Variants in POLR3G observed in about 807,000 individuals in gnomAD.
POLR3G encodes the protein DNA-directed RNA polymerase III subunit RPC7.
A neutral mutation model predicts 30.1 loss-of-function variants in POLR3G; 28 were observed. The observed-to-expected ratio is 0.93, with a 90% CI of 0.69 to 1.27. The LOEUF (loss-of-function observed/expected upper bound fraction) is 1.27. Among genes scored for constraint, POLR3G ranks in the 50% most tolerant of loss-of-function variants. The pLI, the probability that POLR3G is intolerant of heterozygous loss-of-function variation, is 0.00. For missense variants in POLR3G, 254 were observed against 264.6 expected (o/e 0.96, Z 0.28); for synonymous variants, 79 against 82.5 (o/e 0.96, Z 0.23).
chr5:90,479,463 A>G (rs1751013161), intron 1 of POLR3G, among the ~76,000 whole-genome samples: 1 of 152,198 alleles, frequency 6.6e-6, no homozygotes, highest in Admixed American at 6.5e-5. Flanking sequence ...ACAGAGCAAG[A>G]GTCCATCTCG....
chr5:90,493,899 G>T (rs1254808784), intron 3 of POLR3G, among the ~76,000 whole-genome samples: 1 of 151,040 alleles, frequency 6.6e-6, no homozygotes, highest in Non-Finnish European at 1.5e-5. Context: ...TAGTATAGAT[G>T]GGGTTTCACC....
chr5:90,493,651 G>A (rs1271625792), intron 3 of POLR3G, among the ~76,000 whole-genome samples: 2 of 134,738 alleles, frequency 1.5e-5, no homozygotes, highest in Admixed American at 8.1e-5. Context: ...TAGCCACAGA[G>A]TTGTGCAATC....
chr5:90,497,809 GCTTTT>G, intron 5 of POLR3G, 103 bp downstream of exon 5: 1 of 1,339,850 alleles, frequency 7.5e-7, no homozygotes, highest in Non-Finnish European at 9.9e-7. Flanking sequence ...TGTTCTTAAT[GCTTTT>G]CTTATTTTGA....
At position 90,485,523 on chromosome 5, in the gene POLR3G, A is replaced by G. The variant is rs1332183687; in HGVS notation, c.-43-2A>G. Reference sequence around the variant, plus strand: ...GATCCAGTAAATCGTAATCATTAATAGTGCCTTTCAGAATTTGCCCACTCA... The same window carrying G: ...GATCCAGTAAATCGTAATCATTAATGGTGCCTTTCAGAATTTGCCCACTCA... On this transcript the variant is annotated splice_acceptor_variant, in intron 1 of 7. Coordinates refer to ENST00000651687, the MANE Select transcript of POLR3G (RefSeq NM_006467.3). LOFTEE classifies it low-confidence loss of function (5UTR_SPLICE). 7.7e-7 allele frequency: 1 copy of G among 1,302,828 alleles called. No homozygotes were observed. Among genetic ancestry groups the G allele is most frequent in the Admixed American group, 1.9e-5 (1 of 52,664 alleles). 80.7% of individuals were successfully genotyped at this position (1,302,828 alleles called of 1,614,324 possible). A position where few individuals can be genotyped will look rare whatever the true frequency, so the allele number is the denominator to read the frequency against.
chr5:90,499,354 C>G (rs1002449627), intron 5 of POLR3G, among the ~76,000 whole-genome samples: 2 of 152,128 alleles, frequency 1.3e-5, no homozygotes, highest in Non-Finnish European at 2.9e-5. Context: ...ACAAGGTAGT[C>G]TGGTATTTCG....
Position 90,497,717 on chromosome 5 carries a change from T to C in POLR3G, c.355+11T>C. 6.2e-7 allele frequency: 1 copy of C among 1,600,776 alleles called. No homozygotes were observed. Among genetic ancestry groups the C allele is most frequent in the Non-Finnish European group, 8.5e-7 (1 of 1,174,158 alleles). On this transcript the variant is annotated intron_variant, in intron 5 of 7. Transcript: ENST00000651687. ...ATAAATGTAAAAAAGGTACATTGAC[T>C]AATATAATAGTAATTCAGGTAGGAA...
chr5:90,502,317 G>T, intron 6 of POLR3G: 1 of 950,268 alleles, frequency 1.1e-6, no homozygotes, highest in Non-Finnish European at 1.3e-6. Flanking sequence ...AGTTACATAT[G>T]TAACTCTTTT....
intron 6 of POLR3G, 78 bp from the exon 7 acceptor site, chr5:90,506,450 A>G: frequency 6.7e-7 from 1 of 1,502,244 alleles, no homozygotes; most frequent in Middle Eastern, 1.8e-4. Flanking sequence ...GTGATAGATA[A>G]CTGTTCCCTT....
At chr5:90,485,914 A>G (rs1561249106) in intron 2 of POLR3G, among the ~76,000 whole-genome samples, 2 of 152,352 alleles carry the variant, frequency 1.3e-5, no homozygotes, top group East Asian at 3.9e-4. Flanking sequence ...GTGAACCAGT[A>G]AAGAATTAGT....
At chr5:90,481,379 A>G (rs916304641) in intron 1 of POLR3G, among the ~76,000 whole-genome samples, 9 of 152,110 alleles carry the variant, frequency 5.9e-5, no homozygotes, top group Admixed American at 5.9e-4. Flanking sequence ...TTACCTGTTT[A>G]TTGGAAATAC....
Position 90,506,695 on chromosome 5 carries a change from G to T in POLR3G, c.585+21G>T, listed in dbSNP as rs761881171. ...AAGAGGTAATGGTTCATTTGGGGAT[G>T]GTAGCAAAATTAATAAGGTTTATCT... On this transcript the variant is annotated intron_variant, in intron 7 of 7. Coordinates refer to ENST00000651687, the MANE Select transcript of POLR3G (RefSeq NM_006467.3). 3.8e-6 allele frequency: 6 copies of T among 1,577,450 alleles called. No individual in the cohort carries two copies. The South Asian group carries it at 6.0e-5, about 16-fold the overall frequency.
intron 1 of POLR3G, among the ~76,000 whole-genome samples, chr5:90,483,232 C>T (rs1419103246): frequency 6.6e-6 from 1 of 152,032 alleles, no homozygotes; most frequent in Non-Finnish European, 1.5e-5. Context: ...CCCGCACAGC[C>T]AGCTCTGTGT....
At chr5:90,492,401 G>T (rs537057154) in intron 3 of POLR3G, among the ~76,000 whole-genome samples, 1 of 152,170 alleles carries the variant, frequency 6.6e-6, no homozygotes, top group South Asian at 2.1e-4. Flanking sequence ...TTAATTTGAT[G>T]TGTTTTGTAA....
At chr5:90,501,047 G>A (rs1433192056) in intron 5 of POLR3G, among the ~76,000 whole-genome samples, 3 of 151,958 alleles carry the variant, frequency 2.0e-5, no homozygotes, top group African/African-American at 4.8e-5. Flanking sequence ...TAATTATGTA[G>A]CCCAAAGCCA....
chr5:90,491,372 G>A (rs186261697), intron 3 of POLR3G, among the ~76,000 whole-genome samples: 39 of 152,242 alleles, frequency 2.6e-4, no homozygotes, highest in African/African-American at 9.1e-4. Context: ...TTCTGACAGT[G>A]GTGATAGTGT....
Position 90,512,123 on chromosome 5 carries a change from A to G in POLR3G, c.656A>G (p.Asp219Gly). 3 of 1,601,754 alleles carry G rather than the reference A, an allele frequency of 1.9e-6. No individual in the cohort carries two copies. The highest frequency in any genetic ancestry group is 2.6e-6 in the Non-Finnish European group (3 of 1,169,366). ...GGCGCAGACAGTGATGACAACATGG[A>G]TGAGGCAACCTATTAGGCATGAAAT... ...DFGADSDDNM[D>G]EATY is the part of the protein sequence containing the mutation. The change falls in exon 8 of 8, where the codon GAT (aspartate) becomes GGT (glycine). Residue 219 changes from aspartate (D) to glycine (G), a missense_variant. Transcript: ENST00000651687.
chr5:90,477,130 T>C (rs1750866695), intron 1 of POLR3G, among the ~76,000 whole-genome samples: 2 of 152,174 alleles, frequency 1.3e-5, no homozygotes, highest in African/African-American at 4.8e-5. Flanking sequence ...AGAGTAGTAC[T>C]TGGGAAACAC....
At chr5:90,502,366 C>T (rs928507543) in intron 6 of POLR3G, 7 of 915,822 alleles carry the variant, frequency 7.6e-6, no homozygotes, top group Middle Eastern at 5.6e-4. Flanking sequence ...TTAATATGTA[C>T]AGTTTTAATG....
intron 1 of POLR3G, among the ~76,000 whole-genome samples, chr5:90,480,252 A>C (rs1241909442): frequency 6.6e-6 from 1 of 152,200 alleles, no homozygotes; most frequent in African/African-American, 2.4e-5. Flanking sequence ...CCACAGTCTC[A>C]CTTGTAGGCT....
Sources: gnomAD v4.1 joint callset for allele counts (sites outside exome capture counted in the v4.1 genomes callset) on GRCh38, gnomAD v4.1.1 for gene constraint, MANE v1.5 for transcripts, NCBI Gene and HGNC (gene_info 2026-07-23, HGNC 2026-07-21) for gene names.